Variants in RIPOR3 observed in about 807,000 individuals in gnomAD.
RIPOR3 encodes the protein RIPOR family member 3, also known as family with sequence similarity 65 member C.
Under a neutral mutation model 114.3 loss-of-function variants are expected in RIPOR3, and 95 were observed. The ratio of observed to expected loss-of-function variants is 0.83; its 90% confidence interval spans 0.70 to 0.99. The LOEUF is 0.99. Ranked by LOEUF, RIPOR3 falls within the 50% of genes least tolerant of loss-of-function variation. RIPOR3 has a pLI of 0.00. For missense variants in RIPOR3, 1,252 were observed against 1,266.9 expected, an observed-to-expected ratio of 0.99 and a Z score of 0.18; for synonymous variants, 575 against 543.8, an observed-to-expected ratio of 1.06 and a Z score of -0.80.
Position 50,691,172 on chromosome 20 carries a change from G to C in RIPOR3, c.-44C>G. ...CGAGTGCAGTCCCGCCGCCCTCCTT[G>C]CAGCTGCCTCACTTTCCCTATTGCC... On this transcript the variant is annotated 5_prime_UTR_variant, in exon 1 of 22. Transcript: ENST00000327979. 7.8e-7 allele frequency: 1 copy of C among 1,289,412 alleles called. No homozygotes were observed. The highest frequency in any genetic ancestry group is 1.0e-6 in the Non-Finnish European group (1 of 988,848). 79.9% of individuals were successfully genotyped at this position (1,289,412 alleles called of 1,614,324 possible).
chr20:50,642,831 C>G (rs923104381), intron 1 of RIPOR3, among the ~76,000 whole-genome samples: 4 of 152,024 alleles, frequency 2.6e-5, no homozygotes, highest in African/African-American at 9.7e-5. Flanking sequence ...GGCAGATCAC[C>G]TGAGGTCAGG....
At chr20:50,616,607 G>A (rs1267595424) in intron 3 of RIPOR3, among the ~76,000 whole-genome samples, 2 of 152,118 alleles carry the variant, frequency 1.3e-5, no homozygotes, top group Admixed American at 1.3e-4. Flanking sequence ...GCCTCCGAAA[G>A]TGCTGGGATT....
intron 1 of RIPOR3, among the ~76,000 whole-genome samples, chr20:50,652,380 C>T (rs1382950866): frequency 6.6e-6 from 1 of 152,010 alleles, no homozygotes; most frequent in Non-Finnish European, 1.5e-5. Flanking sequence ...CACTTGAGGT[C>T]AGGAATTCAA....
intron 1 of RIPOR3, among the ~76,000 whole-genome samples, chr20:50,686,697 GC>G (rs2087036145): frequency 1.3e-5 from 2 of 151,470 alleles, no homozygotes; most frequent in Non-Finnish European, 2.9e-5. Context: ...GTTGCAGTGA[GC>G]TGAGATCGCA....
rs2086449337 is a variant in RIPOR3, at chr20:50,670,760, C to A, written c.3+20366G>T. ...GCAGACAGGTGGCTGGTCTCTGGGA[C>A]TGGGGAAGAACAAGGCTCTGTATGT... On this transcript the variant is annotated intron_variant, in intron 1 of 21. Transcript: ENST00000327979. Among the ~76,000 whole-genome samples the A allele has an allele frequency of 3.3e-5, 5 of 152,196 alleles. No homozygotes were observed. The South Asian group carries it at 1.0e-3, about 32-fold the overall frequency.
chr20:50,603,891 T>G (rs2083593430), intron 12 of RIPOR3, among the ~76,000 whole-genome samples: 1 of 152,194 alleles, frequency 6.6e-6, no homozygotes, highest in Admixed American at 6.5e-5. Context: ...GAAATTGAAG[T>G]CCAGAGAGGG....
intron 1 of RIPOR3, among the ~76,000 whole-genome samples, chr20:50,674,568 T>C (rs2086626465): frequency 6.7e-6 from 1 of 149,582 alleles, no homozygotes; most frequent in East Asian, 2.0e-4. Context: ...TTTGTGGAAA[T>C]AGGGTCTTTG....
At chr20:50,638,177 C>T (rs2085056838) in intron 1 of RIPOR3, among the ~76,000 whole-genome samples, 1 of 152,234 alleles carries the variant, frequency 6.6e-6, no homozygotes, top group Non-Finnish European at 1.5e-5. Context: ...CAAGGTGTCT[C>T]TGCAGAGGAC....
At chr20:50,662,997 G>C (rs973235568) in intron 1 of RIPOR3, among the ~76,000 whole-genome samples, 2 of 150,638 alleles carry the variant, frequency 1.3e-5, no homozygotes, top group African/African-American at 4.9e-5. Context: ...TCGGGAGACT[G>C]AAGCCAGGAG....
chr20:50,678,136 G>A (rs1422780615), intron 1 of RIPOR3, among the ~76,000 whole-genome samples: 10 of 152,124 alleles, frequency 6.6e-5, no homozygotes, highest in Non-Finnish European at 8.8e-5. Flanking sequence ...AGCCACCATG[G>A]GTGCTAAACC....
chr20:50,617,872 T>C (rs2084238320), intron 3 of RIPOR3, among the ~76,000 whole-genome samples: 1 of 151,726 alleles, frequency 6.6e-6, no homozygotes, highest in Non-Finnish European at 1.5e-5. Context: ...TCCGCCTGCC[T>C]CCGCCTCCCA....
intron 1 of RIPOR3, among the ~76,000 whole-genome samples, chr20:50,686,845 G>A (rs925010055): frequency 1.3e-5 from 2 of 152,080 alleles, no homozygotes; most frequent in African/African-American, 2.4e-5. Flanking sequence ...TTGCAGTTGC[G>A]TTTCTCTTAG....
At chr20:50,610,034 G>A (rs2083906734) in intron 6 of RIPOR3, among the ~76,000 whole-genome samples, 1 of 115,078 alleles carries the variant, frequency 8.7e-6, no homozygotes, top group Non-Finnish European at 1.8e-5. Flanking sequence ...TGCCTCACCT[G>A]CCACCCCTGC....
chr20:50,593,031 T>C lies in RIPOR3; in HGVS notation c.2374+4A>G. ...GCTATGACAGCCACCCACCCCAGTC[T>C]TACCTTCCTTGGTGAGCTGGGTGAA... On this transcript the variant is annotated splice_donor_region_variant and intron_variant, in intron 18 of 21. Transcript: ENST00000327979. 1 of 1,613,902 alleles carries C rather than the reference T, an allele frequency of 6.2e-7. No individual in the cohort carries two copies. Among genetic ancestry groups the C allele is most frequent in the Non-Finnish European group, 8.5e-7 (1 of 1,179,988 alleles).
intron 4 of RIPOR3, among the ~76,000 whole-genome samples, chr20:50,611,800 C>G (rs1176000264): frequency 2.0e-5 from 3 of 152,108 alleles, no homozygotes; most frequent in Non-Finnish European, 4.4e-5. Flanking sequence ...GCTTGGCAGG[C>G]CACGGCGCCC....
chr20:50,680,793 C>T (rs79279291), intron 1 of RIPOR3, among the ~76,000 whole-genome samples: 3,601 of 152,116 alleles, frequency 0.024, 52 homozygotes, highest in Middle Eastern at 0.051. Flanking sequence ...TTTGTTGGGT[C>T]GGGGGGTGGG....
chr20:50,650,980 T>G (rs1378615463), intron 1 of RIPOR3, among the ~76,000 whole-genome samples: 1 of 146,226 alleles, frequency 6.8e-6, no homozygotes, highest in Non-Finnish European at 1.5e-5. Context: ...TTGTTTTTTG[T>G]TTTTTTTTTG....
chr20:50,627,666 G>T (rs1278349611), intron 2 of RIPOR3, among the ~76,000 whole-genome samples: 1 of 152,010 alleles, frequency 6.6e-6, no homozygotes, highest in Non-Finnish European at 1.5e-5. Flanking sequence ...CCGGGCGAGA[G>T]AGAGAAACTG....
In RIPOR3 at chr20:50,604,632, A is replaced by T. The variant is rs754130824; in HGVS notation, c.1086+13T>A. 1 of 1,601,802 alleles carries T rather than the reference A, an allele frequency of 6.2e-7. No homozygotes were observed. Among genetic ancestry groups the T allele is most frequent in the Non-Finnish European group, 8.5e-7 (1 of 1,174,874 alleles). ...GTGACCACAGCGGCCCTGCCCCGGGAAGGCTCACTCACCAGGTAGTATCTC... is the reference window on the plus strand; with the variant it reads ...GTGACCACAGCGGCCCTGCCCCGGGTAGGCTCACTCACCAGGTAGTATCTC... On this transcript the variant is annotated intron_variant, in intron 12 of 21. Coordinates refer to ENST00000327979, the MANE Select transcript of RIPOR3 (RefSeq NM_001290268.2).
Sources: gnomAD v4.1 joint callset for allele counts (sites outside exome capture counted in the v4.1 genomes callset) on GRCh38, gnomAD v4.1.1 for gene constraint, MANE v1.5 for transcripts, NCBI Gene and HGNC (gene_info 2026-07-23, HGNC 2026-07-21) for gene names.